Variants in ELOVL5 observed in about 807,000 individuals in gnomAD.
ELOVL5 encodes ELOVL fatty acid elongase 5, also known as very long chain fatty acid elongase 5.
Under a neutral mutation model 38.6 loss-of-function variants are expected in ELOVL5, and 8 were observed. The ratio of observed to expected loss-of-function variants is 0.21; its 90% confidence interval spans 0.12 to 0.37. The LOEUF (loss-of-function observed/expected upper bound fraction) is 0.37, where lower values mean the gene tolerates loss of function less well. Among genes scored for constraint, ELOVL5 ranks in the 10% least tolerant of loss-of-function variants. The pLI, the probability that ELOVL5 is intolerant of heterozygous loss-of-function variation, is 1.00. For synonymous variants in ELOVL5, 127 were observed against 133.7 expected (o/e 0.95, Z 0.34); for missense variants, 280 against 367.8 (o/e 0.76, Z 1.95).
intron 1 of ELOVL5, among the ~76,000 whole-genome samples, chr6:53,346,022 G>C (rs748582692): frequency 1.3e-5 from 2 of 152,096 alleles, no homozygotes; most frequent in Non-Finnish European, 2.9e-5. Context: ...TTTAAGCCCT[G>C]CGTGCATTAG....
chr6:53,280,055 T>C (rs1395341618), intron 3 of ELOVL5, among the ~76,000 whole-genome samples: 1 of 152,252 alleles, frequency 6.6e-6, no homozygotes, highest in Non-Finnish European at 1.5e-5. Flanking sequence ...CCTTTGGGAC[T>C]GAGGCCTAGC....
chr6:53,332,536 A>G (rs1207246683), intron 1 of ELOVL5, among the ~76,000 whole-genome samples: 2 of 152,226 alleles, frequency 1.3e-5, no homozygotes, highest in Admixed American at 6.5e-5. Context: ...GAAGTGTTAT[A>G]CATACAAACA....
At chr6:53,286,074 C>T (rs1027990311) in intron 3 of ELOVL5, among the ~76,000 whole-genome samples, 2 of 152,094 alleles carry the variant, frequency 1.3e-5, no homozygotes, top group Non-Finnish European at 2.9e-5. Context: ...GCAACTAATG[C>T]TGCAATATCT....
intron 1 of ELOVL5, among the ~76,000 whole-genome samples, chr6:53,335,456 G>C (rs1581995316): frequency 1.3e-5 from 2 of 152,128 alleles, no homozygotes; most frequent in Non-Finnish European, 2.9e-5. Context: ...TCAGTCCAGA[G>C]AGATTCTTGC....
At chr6:53,329,123 T>G (rs921330920) in intron 1 of ELOVL5, among the ~76,000 whole-genome samples, 2 of 152,146 alleles carry the variant, frequency 1.3e-5, no homozygotes, top group African/African-American at 4.8e-5. Flanking sequence ...AGGAAAAATG[T>G]TTTTATAACT....
At chr6:53,303,322 AATG>A (rs1251516526) in intron 1 of ELOVL5, among the ~76,000 whole-genome samples, 1 of 152,204 alleles carries the variant, frequency 6.6e-6, no homozygotes, top group African/African-American at 2.4e-5. Flanking sequence ...CATTTAAATA[AATG>A]ATAACTCTGG....
At chr6:53,320,338 C>CT (rs1430315205) in intron 1 of ELOVL5, among the ~76,000 whole-genome samples, 2 of 151,250 alleles carry the variant, frequency 1.3e-5, no homozygotes, top group African/African-American at 2.4e-5. Context: ...CCCCACATTT[C>CT]TTTTTTTTCT....
intron 1 of ELOVL5, among the ~76,000 whole-genome samples, chr6:53,312,978 C>T (rs1329873334): frequency 6.6e-6 from 1 of 152,184 alleles, no homozygotes; most frequent in Non-Finnish European, 1.5e-5. Context: ...TCTGATGAAG[C>T]TTCCCAGTAA....
chr6:53,300,939 T>C (rs986064345), intron 1 of ELOVL5, among the ~76,000 whole-genome samples: 9 of 152,130 alleles, frequency 5.9e-5, no homozygotes, highest in African/African-American at 2.2e-4. Flanking sequence ...CCATCTTCCT[T>C]GCTGAGCCTC....
At chr6:53,292,378 C>T (rs1047800635) in intron 2 of ELOVL5, among the ~76,000 whole-genome samples, 1 of 152,204 alleles carries the variant, frequency 6.6e-6, no homozygotes, top group Non-Finnish European at 1.5e-5. Context: ...GCAAGTGTGG[C>T]CAGCACATGC....
Sources: gnomAD v4.1 joint callset for allele counts (sites outside exome capture counted in the v4.1 genomes callset) on GRCh38, gnomAD v4.1.1 for gene constraint, MANE v1.5 for transcripts, NCBI Gene and HGNC (gene_info 2026-07-23, HGNC 2026-07-21) for gene names.